DOCK1: variants seen among roughly 807,000 people sequenced by gnomAD.
DOCK1 encodes dedicator of cytokinesis protein 1.
In DOCK1, 138 loss-of-function variants were observed where a neutral mutation model predicts 262.7. The ratio of observed to expected loss-of-function variants is 0.53; its 90% confidence interval spans 0.46 to 0.61. DOCK1 has a LOEUF of 0.61. Ranked by LOEUF, DOCK1 falls within the 20% of genes least tolerant of loss-of-function variation. The pLI is 0.00. For synonymous variants in DOCK1, 866 were observed against 867.4 expected, an observed-to-expected ratio of 1.00 and a Z score of 0.03; for missense variants, 1,908 against 2,370.7, an observed-to-expected ratio of 0.80 and a Z score of 4.05.
chr10:127,341,500 G>C (rs1385754664), intron 30 of DOCK1, among the ~76,000 whole-genome samples: 1 of 152,130 alleles, frequency 6.6e-6, no homozygotes, highest in Non-Finnish European at 1.5e-5. Flanking sequence ...GTAAGTTTAT[G>C]GTATTTGAGG....
At chr10:127,083,446 C>T (rs2047022228) in intron 23 of DOCK1, among the ~76,000 whole-genome samples, 1 of 152,142 alleles carries the variant, frequency 6.6e-6, no homozygotes, top group Non-Finnish European at 1.5e-5. Flanking sequence ...TTGCTCCTGA[C>T]CTACTGCTTT....
chr10:127,262,006 G>C (rs1428797382), intron 29 of DOCK1, among the ~76,000 whole-genome samples: 1 of 142,930 alleles, frequency 7.0e-6, no homozygotes, highest in African/African-American at 2.7e-5. Flanking sequence ...ATGCTCATCT[G>C]TTTGTGTACC....
chr10:127,245,616 C>T (rs565371941), intron 27 of DOCK1, among the ~76,000 whole-genome samples: 53 of 152,282 alleles, frequency 3.5e-4, no homozygotes, highest in African/African-American at 1.3e-3. Flanking sequence ...CATTTGTTGC[C>T]TTGCATGAAT....
intron 1 of DOCK1, among the ~76,000 whole-genome samples, chr10:126,943,592 C>T (rs1245433709): frequency 6.6e-6 from 1 of 152,144 alleles, no homozygotes; most frequent in African/African-American, 2.4e-5. Flanking sequence ...CCTGTGCCTG[C>T]AAAATGACTG....
chr10:127,262,072 A>T (rs1187142844), intron 29 of DOCK1, among the ~76,000 whole-genome samples: 1 of 42,286 alleles, frequency 2.4e-5, no homozygotes, highest in South Asian at 7.9e-4. Context: ...GTGTGTGTGC[A>T]TGTGGGTGTG....
intron 33 of DOCK1, among the ~76,000 whole-genome samples, chr10:127,371,012 T>C (rs983107042): frequency 2.6e-5 from 4 of 152,230 alleles, no homozygotes; most frequent in Non-Finnish European, 4.4e-5. Context: ...ATCCCAGCCA[T>C]AGAGAACCTT....
intron 5 of DOCK1, 82 bp downstream of exon 5, chr10:126,987,699 T>C: frequency 1.6e-6 from 2 of 1,247,844 alleles, no homozygotes; most frequent in Non-Finnish European, 2.2e-6. Context: ...GGATGTTTTT[T>C]TTTCTCAGCG....
In DOCK1 at chr10:127,100,016, GGAGA is replaced by G. The variant is rs1462405873; in HGVS notation, c.2446-6211_2446-6208del. ...AAACTGGAAGAGGCTCGGCTTGGTGGGAGAGAGTCCTGCAGGTACCAAGGGTGAG... is the reference window on the plus strand; with the variant it reads ...AAACTGGAAGAGGCTCGGCTTGGTGGGAGTCCTGCAGGTACCAAGGGTGAG... On this transcript the variant is annotated intron_variant, in intron 23 of 51. Coordinates refer to ENST00000623213, the MANE Select transcript of DOCK1 (RefSeq NM_001290223.2). This position sits in a 1 kb window ranked among gnomAD's most constrained non-coding sequence, Gnocchi z 5.5. 2.0e-5 allele frequency among the ~76,000 whole-genome samples: 3 copies of G among 152,160 alleles called. No individual in the cohort carries two copies. Among genetic ancestry groups the G allele is most frequent in the Non-Finnish European group, 2.9e-5 (2 of 68,024 alleles).
chr10:127,415,127 T>TTG (rs144931150), intron 43 of DOCK1, 25 bp from the exon 44 acceptor site: 24 of 1,596,642 alleles, frequency 1.5e-5, no homozygotes, highest in Admixed American at 3.4e-5. Context: ...CTAACCCGTG[T>TTG]TGTGTGTGTG....
chr10:127,058,817 C>A (rs2045345872), intron 22 of DOCK1, among the ~76,000 whole-genome samples: 1 of 152,028 alleles, frequency 6.6e-6, no homozygotes, highest in Admixed American at 6.6e-5. Flanking sequence ...ATTTTCTTCT[C>A]CTCTGTTTTA....
rs188338929 is a variant in DOCK1 at position 127,403,108 on chromosome 10, C to T, written c.3981C>T (p.Asn1327=). 4.3e-5 allele frequency: 70 copies of T among 1,612,622 alleles called. No individual in the cohort carries two copies. Among genetic ancestry groups the T allele is most frequent in the Middle Eastern group, 3.3e-4 (2 of 6,062 alleles). ...LGKELAEQYE[N]EMFDYEQLSE... Reference sequence around the variant, plus strand: ...AGGAGCTAGCCGAGCAGTATGAGAACGAAATGTTTGATTATGAGCAACTCA... The same window carrying T: ...AGGAGCTAGCCGAGCAGTATGAGAATGAAATGTTTGATTATGAGCAACTCA... Residue 1327 remains asparagine, a synonymous_variant, in exon 39 of 52, where the codon AAC becomes AAT. Transcript: ENST00000623213.
chr10:127,113,229 T>A (rs2048974335), intron 25 of DOCK1, among the ~76,000 whole-genome samples: 1 of 152,154 alleles, frequency 6.6e-6, no homozygotes, highest in Admixed American at 6.5e-5. Flanking sequence ...GTGTTCAGAT[T>A]TCTAGAACTT....
At position 126,998,240 on chromosome 10, in the gene DOCK1, A is replaced by G. The variant is rs1303011286; in HGVS notation, c.758A>G (p.Lys253Arg). Residue 253 changes from lysine (K) to arginine (R), a missense_variant, in exon 8 of 52, where the codon AAA becomes AGA. Physicochemically the swap from Lys to Arg is conservative, Grantham distance 26. This residue lies in a region of DOCK1 where 102 missense variants were observed against 154.9 expected (regional missense o/e 0.66). Coordinates refer to ENST00000623213, the MANE Select transcript of DOCK1 (RefSeq NM_001290223.2). ...TCTCTATATGACCCTGTGGAGTCCA[A>G]ATTCATCAGGTGGGTGACATTTCTT... is the stretch of plus-strand genomic sequence containing the variant. ...LMSLYDPVESKFISENYLVRW... is the reference protein window; with the variant it reads ...LMSLYDPVESRFISENYLVRW... 2 of 1,613,696 alleles carry G rather than the reference A, an allele frequency of 1.2e-6. No individual in the cohort carries two copies. The highest frequency in any genetic ancestry group is 1.1e-5 in the South Asian group (1 of 91,046).
In DOCK1 at chr10:127,343,647, T is replaced by C; in HGVS notation, c.3125T>C (p.Leu1042Pro). Residue 1042 changes from leucine (L) to proline (P), a missense_variant and splice_region_variant, in exon 31 of 52, where the codon CTG becomes CCG. Leu to Pro is a moderately conservative substitution (Grantham distance 98, BLOSUM62 -3). Coordinates refer to ENST00000623213, the MANE Select transcript of DOCK1 (RefSeq NM_001290223.2). ...FLDQANFELQ[L>P]WNNYFHLAVA... Reference sequence around the variant, plus strand: ...CATCTCCTCCTTTTTGGTTTTCAGCTGTGGAACAACTACTTTCACCTGGCT... The same window carrying C: ...CATCTCCTCCTTTTTGGTTTTCAGCCGTGGAACAACTACTTTCACCTGGCT... The C allele has an allele frequency of 6.2e-7, 1 of 1,607,466 alleles. No individual in the cohort carries two copies. Among genetic ancestry groups the C allele is most frequent in the Non-Finnish European group, 8.5e-7 (1 of 1,177,016 alleles).
chr10:127,062,602 C>T (rs982974356), intron 23 of DOCK1, among the ~76,000 whole-genome samples: 6 of 152,208 alleles, frequency 3.9e-5, no homozygotes, highest in East Asian at 1.9e-4. Flanking sequence ...GGAAAGGCCC[C>T]GGAGCCTCTT....
chr10:126,960,813 G>GAT (rs1179965929), intron 1 of DOCK1, among the ~76,000 whole-genome samples: 2 of 127,460 alleles, frequency 1.6e-5, no homozygotes, highest in Non-Finnish European at 3.2e-5. Context: ...CACACACATA[G>GAT]ATATATACGT....
intron 27 of DOCK1, among the ~76,000 whole-genome samples, chr10:127,204,587 G>GT (rs1006165690): frequency 6.6e-5 from 10 of 151,996 alleles, no homozygotes; most frequent in South Asian, 6.2e-4. Context: ...GTGCCTGACC[G>GT]TTTTTTTAAA....
intron 47 of DOCK1, among the ~76,000 whole-genome samples, chr10:127,428,762 ACCGTGTGGACTGTGGTG>A (rs1189361831): frequency 1.7e-4 from 16 of 96,658 alleles, no homozygotes; most frequent in African/African-American, 6.2e-4. Flanking sequence ...GGATTGGGGT[ACCGTGTGGACTGTGGTG>A]CTGTGTGGAC....
At chr10:127,330,659 C>T (rs891817801) in intron 29 of DOCK1, among the ~76,000 whole-genome samples, 7 of 152,204 alleles carry the variant, frequency 4.6e-5, no homozygotes, top group Admixed American at 3.3e-4. Flanking sequence ...TTGCAGCCTG[C>T]AGGCCAGCCA....
Sources: gnomAD v4.1 joint callset for allele counts (sites outside exome capture counted in the v4.1 genomes callset) on GRCh38, gnomAD v4.1.1 for gene constraint, gnomAD v4.1.1 regional missense constraint, Gnocchi (gnomAD v3.1) non-coding constraint, MANE v1.5 for transcripts, NCBI Gene and HGNC (gene_info 2026-07-23, HGNC 2026-07-21) for gene names.